Variants in SRD5A2 observed in about 807,000 individuals in gnomAD.
SRD5A2 encodes the protein 3-oxo-5-alpha-steroid 4-dehydrogenase 2.
SRD5A2 carries 30 observed loss-of-function variants against 27.4 expected under a neutral mutation model. The ratio of observed to expected loss-of-function variants is 1.10; its 90% CI spans 0.82 to 1.49. The LOEUF (loss-of-function observed/expected upper bound fraction) is 1.49. SRD5A2 is among the 40% of genes most tolerant of loss of function. The pLI is 0.00. For missense variants in SRD5A2, 348 were observed against 323.4 expected, an observed-to-expected ratio of 1.08 and a Z score of -0.58; for synonymous variants, 141 against 133.6, an observed-to-expected ratio of 1.06 and a Z score of -0.38.
the SRD5A2 span, among the ~76,000 whole-genome samples, chr2:31,635,891 T>C: frequency 6.6e-6 from 1 of 152,126 alleles, no homozygotes; most frequent in African/African-American, 2.4e-5. Context: ...GATACTGTAT[T>C]CTGTTCCATT....
intron 1 of SRD5A2, among the ~76,000 whole-genome samples, chr2:31,547,579 G>A (rs185430700): frequency 2.4e-3 from 372 of 152,302 alleles, no homozygotes; most frequent in Admixed American, 6.9e-3. Context: ...ATATACCATG[G>A]TAGATTATAT....
the SRD5A2 span, among the ~76,000 whole-genome samples, chr2:31,591,727 C>A: frequency 7.7e-6 from 1 of 130,150 alleles, no homozygotes; most frequent in African/African-American, 3.0e-5. Context: ...GAAAATGCGG[C>A]ACATATACAA....
At chr2:31,657,347 C>T in the SRD5A2 span, among the ~76,000 whole-genome samples, 1 of 152,170 alleles carries the variant, frequency 6.6e-6, no homozygotes, top group Non-Finnish European at 1.5e-5. Flanking sequence ...GATTGTAATA[C>T]ATTATGGTAC....
chr2:31,535,233 G>C, intron 1 of SRD5A2, among the ~76,000 whole-genome samples: 1 of 152,088 alleles, frequency 6.6e-6, no homozygotes, highest in African/African-American at 2.4e-5. Flanking sequence ...TATTGGCCAG[G>C]CTGGTCTGGA....
chr2:31,615,314 C>A, the SRD5A2 span, among the ~76,000 whole-genome samples: 2 of 152,114 alleles, frequency 1.3e-5, no homozygotes, highest in Non-Finnish European at 2.9e-5. Context: ...TTGAAACTTC[C>A]TAGAGACTTG....
the SRD5A2 span, among the ~76,000 whole-genome samples, chr2:31,612,717 T>G: frequency 6.6e-6 from 1 of 152,162 alleles, no homozygotes; most frequent in Non-Finnish European, 1.5e-5. Context: ...AAAGCAATCT[T>G]GAGCAAAAAG....
chr2:31,542,960 A>G (rs1666166789), intron 1 of SRD5A2, among the ~76,000 whole-genome samples: 1 of 152,242 alleles, frequency 6.6e-6, no homozygotes, highest in African/African-American at 2.4e-5. Flanking sequence ...ATTAACTCCA[A>G]GTAAGATGAA....
At chr2:31,654,452 G>C in the SRD5A2 span, among the ~76,000 whole-genome samples, 53 of 152,262 alleles carry the variant, frequency 3.5e-4, no homozygotes, top group African/African-American at 9.9e-4. Context: ...GAAGCTATCA[G>C]CTGGTGCGTG....
At chr2:31,545,790 T>C (rs1399867193) in intron 1 of SRD5A2, among the ~76,000 whole-genome samples, 1 of 152,206 alleles carries the variant, frequency 6.6e-6, no homozygotes, top group East Asian at 1.9e-4. Flanking sequence ...TTACAGATGA[T>C]ATGATCATGT....
At chr2:31,647,478 G>A in the SRD5A2 span, among the ~76,000 whole-genome samples, 1 of 152,110 alleles carries the variant, frequency 6.6e-6, no homozygotes, top group Non-Finnish European at 1.5e-5. Context: ...GTTGCCTCAA[G>A]GGTTTAAGAC....
At chr2:31,614,980 A>C in the SRD5A2 span, among the ~76,000 whole-genome samples, 1 of 152,034 alleles carries the variant, frequency 6.6e-6, no homozygotes, top group Non-Finnish European at 1.5e-5. Flanking sequence ...TATAAAGGGA[A>C]ACCCCCTTCA....
the SRD5A2 span, among the ~76,000 whole-genome samples, chr2:31,656,016 G>T: frequency 6.6e-6 from 1 of 152,164 alleles, no homozygotes. Flanking sequence ...ATAGACAGAG[G>T]TACAAAACTG....
upstream of SRD5A2, chr2:31,581,132 G>A: frequency 1.8e-6 from 1 of 554,028 alleles, no homozygotes; most frequent in Non-Finnish European, 3.2e-6. Flanking sequence ...TTCTTAGTTC[G>A]CCCGCCCTCT....
chr2:31,565,816 T>A (rs1666718162), intron 1 of SRD5A2, among the ~76,000 whole-genome samples: 1 of 152,000 alleles, frequency 6.6e-6, no homozygotes. Flanking sequence ...GAGAAAATCA[T>A]CAGGATATAG....
chr2:31,603,865 A>G, the SRD5A2 span, among the ~76,000 whole-genome samples: 2 of 151,824 alleles, frequency 1.3e-5, no homozygotes, highest in Non-Finnish European at 2.9e-5. Context: ...GACACACTGG[A>G]GGAAACAACA....
the SRD5A2 span, among the ~76,000 whole-genome samples, chr2:31,650,608 T>C: frequency 2.6e-5 from 4 of 152,172 alleles, no homozygotes; most frequent in Non-Finnish European, 5.9e-5. Context: ...CCATATAAAA[T>C]TCCAGGAACT....
chr2:31,610,487 C>T, the SRD5A2 span, among the ~76,000 whole-genome samples: 8 of 152,052 alleles, frequency 5.3e-5, no homozygotes, highest in Non-Finnish European at 1.0e-4. Context: ...GAAGAATGTA[C>T]CTCAACATAA....
chr2:31,581,689 G>C (rs930850482), upstream of SRD5A2, among the ~76,000 whole-genome samples: 1 of 152,108 alleles, frequency 6.6e-6, no homozygotes, highest in Non-Finnish European at 1.5e-5. Flanking sequence ...GATTCTGCGC[G>C]TCCTCTCCCG....
At chr2:31,606,421 C>T in the SRD5A2 span, among the ~76,000 whole-genome samples, 1 of 151,838 alleles carries the variant, frequency 6.6e-6, no homozygotes, top group Non-Finnish European at 1.5e-5. Flanking sequence ...ATACAACTAT[C>T]ATGTACCCAC....
Sources: gnomAD v4.1 joint callset for allele counts (sites outside exome capture counted in the v4.1 genomes callset) on GRCh38, gnomAD v4.1.1 for gene constraint, MANE v1.5 for transcripts, NCBI Gene and HGNC (gene_info 2026-07-23, HGNC 2026-07-21) for gene names.